The following BTN1A1 variants were observed in gnomAD, a reference collection of about 807,000 sequenced individuals.
BTN1A1 encodes the protein bK14H9.2 (butyrophilin, subfamily 1, member A1).
BTN1A1 carries 26 observed loss-of-function variants against 33.1 expected under a neutral mutation model. That is an observed-to-expected ratio of 0.79 (90% CI 0.58 to 1.09). BTN1A1 has a LOEUF of 1.09. Among genes scored for constraint, BTN1A1 ranks in the 50% least tolerant of loss-of-function variants. The probability of loss-of-function intolerance (pLI) is 0.00; values close to 1 mark genes in which losing one functional copy is unlikely to be tolerated. For synonymous variants in BTN1A1, 235 were observed against 256.2 expected, an observed-to-expected ratio of 0.92 and a Z score of 0.79; for missense variants, 558 against 655.7, an observed-to-expected ratio of 0.85 and a Z score of 1.63.
rs1763915820 is a variant in BTN1A1, at chr6:26,509,429, C to T, written c.*255C>T. The T allele has an allele frequency of 2.3e-6, 1 of 425,734 alleles. No individual in the cohort carries two copies. Among genetic ancestry groups the T allele is most frequent in the Non-Finnish European group, 4.2e-6 (1 of 238,562 alleles). The allele number at this position is 425,734 out of a possible 1,614,324, so 26.4% of individuals were successfully genotyped here. ...TTCTCCTAATCCCTTAAGACTAGAA[C>T]CTATAGGAAACTACTTGGAGCAAAC... On this transcript the variant is annotated 3_prime_UTR_variant, in exon 8 of 8. Coordinates refer to ENST00000684113, the MANE Select transcript of BTN1A1 (RefSeq NM_001732.3).
intron 3 of BTN1A1, among the ~76,000 whole-genome samples, chr6:26,503,924 A>G (rs1207753514): frequency 6.6e-6 from 1 of 152,144 alleles, no homozygotes; most frequent in Non-Finnish European, 1.5e-5. Flanking sequence ...TTCCATGAAA[A>G]GAATATATAT....
chr6:26,506,605 C>A (rs774699017), intron 4 of BTN1A1, 78 bp from the exon 5 acceptor site: 19 of 1,492,538 alleles, frequency 1.3e-5, no homozygotes, highest in Non-Finnish European at 1.7e-5. Context: ...CCTCTTCTAC[C>A]CTCCTTTGGA....
At position 26,501,445 on chromosome 6, in the gene BTN1A1, C is replaced by T. The variant is rs1763796778; in HGVS notation, c.79+80C>T. ...AATAAACAATCCCACTTGGCTCTCC[C>T]TGGAGACCTCCACTGGATCCAGACA... is the stretch of plus-strand genomic sequence containing the variant. On this transcript the variant is annotated intron_variant, in intron 2 of 7. Coordinates refer to ENST00000684113, the MANE Select transcript of BTN1A1 (RefSeq NM_001732.3). This position sits in a 1 kb window ranked among gnomAD's most constrained non-coding sequence, Gnocchi z 5.2. The T allele has an allele frequency of 6.4e-7, 1 of 1,572,086 alleles. No individual in the cohort carries two copies. Among genetic ancestry groups the T allele is most frequent in the East Asian group, 2.2e-5 (1 of 44,660 alleles).
Position 26,509,275 on chromosome 6 carries a change from T to C in BTN1A1, c.*101T>C. On this transcript the variant is annotated 3_prime_UTR_variant, in exon 8 of 8. Coordinates refer to ENST00000684113, the MANE Select transcript of BTN1A1 (RefSeq NM_001732.3). Reference sequence around the variant, plus strand: ...CTTTACCCAGTCTGTTTCTTCCTGTTGGGTGGCAATTAATTAATCCTGTGA... The same window carrying C: ...CTTTACCCAGTCTGTTTCTTCCTGTCGGGTGGCAATTAATTAATCCTGTGA... The C allele has an allele frequency of 1.8e-6, 2 of 1,134,682 alleles. No homozygotes were observed. Among genetic ancestry groups the C allele is most frequent in the East Asian group, 4.8e-5 (2 of 42,044 alleles). The allele number at this position is 1,134,682 out of a possible 1,614,324, so 70.3% of individuals were successfully genotyped here. A position where few individuals can be genotyped will look rare whatever the true frequency, so the allele number is the denominator to read the frequency against.
At chr6:26,503,151 T>A (rs1470548019) in intron 3 of BTN1A1, among the ~76,000 whole-genome samples, 1 of 151,794 alleles carries the variant, frequency 6.6e-6, no homozygotes, top group Non-Finnish European at 1.5e-5. Flanking sequence ...TGGTTGCCAC[T>A]GCACTCCAGC....
At position 26,506,822 on chromosome 6, in the gene BTN1A1, C is replaced by T; in HGVS notation, c.849C>T (p.Phe283=). The change falls in exon 5 of 8, where the codon TTC becomes TTT. Residue 283 remains phenylalanine, a synonymous_variant. Transcript: ENST00000684113. ...GACCCAGAGAGAGGAGGAATGAATT[C>T]AGCTCTAAAGGTAAACCATAGAATC... ...NERPRERRNE[F]SSKERLLEEL... is the part of the protein sequence containing the mutation. 1.9e-6 allele frequency: 3 copies of T among 1,614,054 alleles called. No individual in the cohort carries two copies. Among genetic ancestry groups the T allele is most frequent in the African/African-American group, 1.3e-5 (1 of 75,020 alleles).
rs2113893890 is a variant in BTN1A1 at position 26,507,111 on chromosome 6, C to T, written c.859+279C>T. Among the ~76,000 whole-genome samples, 2 of 152,234 alleles carry T rather than the reference C, an allele frequency of 1.3e-5. 1 individual carries two copies. The highest frequency in any genetic ancestry group is 4.1e-4 in the South Asian group (2 of 4,824). The stretch of plus-strand genomic sequence containing the variant: ...TGGTGAGTGCCTGTAATCCCAGCTA[C>T]TCGGGAGGCTGAGGCAGGAGAATTG... On this transcript the variant is annotated intron_variant, in intron 5 of 7. Coordinates refer to ENST00000684113, the MANE Select transcript of BTN1A1 (RefSeq NM_001732.3).
chr6:26,503,979 GT>G (rs1308306220), intron 3 of BTN1A1, among the ~76,000 whole-genome samples: 2 of 152,050 alleles, frequency 1.3e-5, no homozygotes, highest in Non-Finnish European at 2.9e-5. Context: ...TTAACCAGTG[GT>G]TGTGGAAATG....
In BTN1A1 at chr6:26,508,098, C is replaced by A; in HGVS notation, c.907+11C>A. The A allele has an allele frequency of 6.2e-7, 1 of 1,607,060 alleles. No homozygotes were observed. Among genetic ancestry groups the A allele is most frequent in the Non-Finnish European group, 8.5e-7 (1 of 1,177,798 alleles). On this transcript the variant is annotated intron_variant, in intron 7 of 7. Transcript: ENST00000684113. ...CTACCTTGCATGCAGGTCAGTGGCT[C>A]TGAACTTCTCTAGGGCTCTGAGGCT...
At chr6:26,507,055 G>A (rs537832555) in intron 5 of BTN1A1, among the ~76,000 whole-genome samples, 1 of 151,996 alleles carries the variant, frequency 6.6e-6, no homozygotes, top group Admixed American at 6.6e-5. Flanking sequence ...ACTCCATCTC[G>A]ACTAAAAATA....
Position 26,501,906 on chromosome 6 carries a change from C to G in BTN1A1, c.396C>G (p.Tyr132Ter), listed in dbSNP as rs147384966. 5.2e-5 allele frequency: 83 copies of G among 1,590,162 alleles called. No individual in the cohort carries two copies. In the African/African-American group the frequency reaches 1.0e-3, roughly 19 times the overall value. Reference protein sequence around the residue: ...YTCFFREDGSYEEALVHLKVA... With the variant: ...YTCFFREDGS ...GCTTTTTCAGGGAGGATGGAAGCTACGAAGAAGCCCTGGTGCATCTGAAGG... is the reference window on the plus strand; with the variant it reads ...GCTTTTTCAGGGAGGATGGAAGCTAGGAAGAAGCCCTGGTGCATCTGAAGG... Residue 132 changes from tyrosine (Y) to a stop codon, truncating the protein, a stop_gained, in exon 3 of 8, where the codon TAC (tyrosine) becomes TAG (stop). Coordinates refer to ENST00000684113, the MANE Select transcript of BTN1A1 (RefSeq NM_001732.3). LOFTEE classifies it high-confidence loss of function. The surrounding 1 kb of genome is among the most constrained non-coding windows in gnomAD (Gnocchi z 5.2).
At chr6:26,503,861 T>C (rs1054789492) in intron 3 of BTN1A1, among the ~76,000 whole-genome samples, 5 of 152,146 alleles carry the variant, frequency 3.3e-5, no homozygotes, top group Admixed American at 1.3e-4. Flanking sequence ...TAAAATGTGT[T>C]ACCTTTTATG....
Position 26,501,615 on chromosome 6 carries a change from G to A in BTN1A1, c.105G>A (p.Pro35=). Reference sequence around the variant, plus strand: ...CTCCCTTTGACGTGATTGGACCCCCGGAGCCCATCCTGGCCGTTGTGGGTG... The same window carrying A: ...CTCCCTTTGACGTGATTGGACCCCCAGAGCCCATCCTGGCCGTTGTGGGTG... ...DSAPFDVIGP[P]EPILAVVGED... is the part of the protein sequence containing the mutation. Residue 35 remains proline, a synonymous_variant, in exon 3 of 8, where the codon CCG becomes CCA. Transcript: ENST00000684113. The surrounding 1 kb of genome is among the most constrained non-coding windows in gnomAD (Gnocchi z 5.2). The A allele has an allele frequency of 6.2e-7, 1 of 1,613,760 alleles. No individual in the cohort carries two copies. Among genetic ancestry groups the A allele is most frequent in the Non-Finnish European group, 8.5e-7 (1 of 1,179,944 alleles).
At chr6:26,508,421 C>T in intron 7 of BTN1A1, 80 bp from the exon 8 acceptor site, 1 of 1,452,122 alleles carries the variant, frequency 6.9e-7, no homozygotes, top group South Asian at 1.3e-5. Flanking sequence ...CAACAGTGTT[C>T]TGTTTCTTAG....
chr6:26,508,595 G>C lies in BTN1A1; in HGVS notation c.1002G>C (p.Leu334=). The change falls in exon 8 of 8, where the codon CTG becomes CTC. Residue 334 remains leucine (L), a synonymous_variant. Transcript: ENST00000684113. ...SVRLEDSRQK[L]PEKTERFDSW... is the part of the protein sequence containing the mutation. ...GACTGGAAGATTCACGTCAGAAACT[G>C]CCTGAGAAAACAGAGAGATTTGACT... 4.3e-6 allele frequency: 7 copies of C among 1,614,202 alleles called. No homozygotes were observed. Among genetic ancestry groups the C allele is most frequent in the Non-Finnish European group, 5.9e-6 (7 of 1,180,028 alleles).
At chr6:26,503,252 GGCGGGT>G in intron 3 of BTN1A1, among the ~76,000 whole-genome samples, 1 of 151,992 alleles carries the variant, frequency 6.6e-6, no homozygotes, top group South Asian at 2.1e-4. Flanking sequence ...GGGAGGCCAA[GGCGGGT>G]GACTCACTTT....
chr6:26,500,384 T>A (rs1417459825), intron 1 of BTN1A1, among the ~76,000 whole-genome samples, 26 bp downstream of exon 1: 2 of 152,100 alleles, frequency 1.3e-5, no homozygotes, highest in African/African-American at 4.8e-5. Flanking sequence ...TACTCTCAGC[T>A]CCCTGAGGGA....
intron 5 of BTN1A1, among the ~76,000 whole-genome samples, chr6:26,507,091 A>G (rs2208331): frequency 0.5 from 76,262 of 151,938 alleles, 19,395 homozygotes; most frequent in East Asian, 0.74. Context: ...CTTATTGGTG[A>G]GTGCCTGTAA....
Position 26,501,844 on chromosome 6 carries a change from C to A in BTN1A1, c.334C>A (p.Arg112Ser). ...CAAGGGGCGCGTGGCCTTGAGGATC[C>A]GTGGCGTCAGAGTCTCTGACGACGG... ...IAKGRVALRIRGVRVSDDGEY... is the reference protein window; with the variant it reads ...IAKGRVALRISGVRVSDDGEY... Residue 112 changes from arginine (R) to serine (S), a missense_variant, in exon 3 of 8, where the codon CGT becomes AGT. Transcript: ENST00000684113. This position sits in a 1 kb window ranked among gnomAD's most constrained non-coding sequence, Gnocchi z 5.2. 1 of 1,611,448 alleles carries A rather than the reference C, an allele frequency of 6.2e-7. No individual in the cohort carries two copies. Among genetic ancestry groups the A allele is most frequent in the Non-Finnish European group, 8.5e-7 (1 of 1,178,216 alleles).
Sources: gnomAD v4.1 joint callset for allele counts (sites outside exome capture counted in the v4.1 genomes callset) on GRCh38, gnomAD v4.1.1 for gene constraint, Gnocchi (gnomAD v3.1) non-coding constraint, MANE v1.5 for transcripts, NCBI Gene and HGNC (gene_info 2026-07-23, HGNC 2026-07-21) for gene names.